SEMA3A: variants seen among roughly 807,000 people sequenced by gnomAD.
SEMA3A encodes semaphorin 3A, also known as semaphorin-3A.
In SEMA3A, 29 loss-of-function variants were observed where a neutral mutation model predicts 97.9. That is an observed-to-expected ratio of 0.30 (90% CI 0.22 to 0.40). The LOEUF is 0.40. SEMA3A is among the 10% of genes least tolerant of loss of function. SEMA3A has a pLI of 1.00. For synonymous variants in SEMA3A, 321 were observed against 323.7 expected (o/e 0.99, Z 0.09); for missense variants, 763 against 951.3 (o/e 0.80, Z 2.60).
chr7:84,383,189 T>C (rs1021042787), intron 1 of SEMA3A, among the ~76,000 whole-genome samples: 8 of 152,096 alleles, frequency 5.3e-5, no homozygotes, highest in African/African-American at 1.9e-4. Flanking sequence ...CCAAGTTACT[T>C]TGTAATATAT....
intron 1 of SEMA3A, among the ~76,000 whole-genome samples, chr7:84,411,637 A>T (rs1193057009): frequency 1.3e-5 from 2 of 151,832 alleles, no homozygotes; most frequent in Non-Finnish European, 2.9e-5. Context: ...CCTCAAATAT[A>T]TTAACTATCT....
At chr7:84,324,708 A>T (rs1318753460) in intron 2 of SEMA3A, among the ~76,000 whole-genome samples, 1 of 152,172 alleles carries the variant, frequency 6.6e-6, no homozygotes, top group Non-Finnish European at 1.5e-5. Context: ...TATGAAGCAC[A>T]TGGTCTTAAA....
chr7:84,280,259 T>C (rs1006794), intron 3 of SEMA3A, among the ~76,000 whole-genome samples: 2,632 of 152,288 alleles, frequency 0.017, 78 homozygotes, highest in African/African-American at 0.06. Context: ...TAGATGTTAC[T>C]CTTTCTATAT....
At chr7:84,333,142 T>C (rs1004506386) in intron 2 of SEMA3A, among the ~76,000 whole-genome samples, 1 of 152,168 alleles carries the variant, frequency 6.6e-6, no homozygotes, top group Non-Finnish European at 1.5e-5. Context: ...ACTTTGTACT[T>C]TTTGTGTCAA....
At chr7:84,490,257 T>A (rs1368218306) in intron 1 of SEMA3A, among the ~76,000 whole-genome samples, 1 of 147,660 alleles carries the variant, frequency 6.8e-6, no homozygotes, top group African/African-American at 2.5e-5. Context: ...CCATTACAAA[T>A]CTTCTTTGAG....
intron 3 of SEMA3A, among the ~76,000 whole-genome samples, chr7:84,228,840 A>G (rs1321151277): frequency 6.6e-6 from 1 of 152,014 alleles, no homozygotes; most frequent in Admixed American, 6.6e-5. Context: ...TTTAAGTCCT[A>G]TGGTTGATCA....
chr7:84,111,999 A>T (rs932632596), intron 3 of SEMA3A, among the ~76,000 whole-genome samples: 1 of 152,294 alleles, frequency 6.6e-6, no homozygotes, highest in South Asian at 2.1e-4. Context: ...TCCTTCCCCA[A>T]GAGAATAGGG....
intron 1 of SEMA3A, among the ~76,000 whole-genome samples, chr7:84,146,913 C>T (rs1417657219): frequency 3.3e-5 from 5 of 152,226 alleles, no homozygotes; most frequent in African/African-American, 9.6e-5. Context: ...TACCTATGAG[C>T]GGTAAGCATT....
intron 1 of SEMA3A, among the ~76,000 whole-genome samples, chr7:84,424,310 T>G (rs1011551538): frequency 2.1e-5 from 3 of 143,732 alleles, no homozygotes; most frequent in Non-Finnish European, 4.5e-5. Context: ...TATATTGATA[T>G]AAATACATTC....
At chr7:83,966,828 C>G (rs1788715071) in intron 15 of SEMA3A, among the ~76,000 whole-genome samples, 1 of 152,032 alleles carries the variant, frequency 6.6e-6, no homozygotes, top group Non-Finnish European at 1.5e-5. Flanking sequence ...TCTCCTGCCT[C>G]AGACTCCCTA....
Position 83,959,724 on chromosome 7 carries a change from A to G in SEMA3A, c.*1647T>C, listed in dbSNP as rs1229549850. The G allele has an allele frequency of 1.3e-5, 2 of 152,100 alleles. No individual in the cohort carries two copies. The highest frequency in any genetic ancestry group is 2.4e-5 in the African/African-American group (1 of 41,454). The allele number at this position is 152,100 out of a possible 1,614,324, so 9.4% of individuals were successfully genotyped here. A position where few individuals can be genotyped will look rare whatever the true frequency, so the allele number is the denominator to read the frequency against. ...GAATTTCAATGTTGCTTCATTAATTACTAATAAGATGTTTTCTTTGCATTT... is the reference window on the plus strand; with the variant it reads ...GAATTTCAATGTTGCTTCATTAATTGCTAATAAGATGTTTTCTTTGCATTT... On this transcript the variant is annotated 3_prime_UTR_variant, in exon 17 of 17. Coordinates refer to ENST00000265362, the MANE Select transcript of SEMA3A (RefSeq NM_006080.3).
intron 3 of SEMA3A, among the ~76,000 whole-genome samples, chr7:84,282,153 G>C (rs1800453484): frequency 6.6e-6 from 1 of 151,948 alleles, no homozygotes; most frequent in African/African-American, 2.4e-5. Flanking sequence ...ATCCTTTTTG[G>C]AACCAATCCG....
chr7:84,100,677 T>C (rs7784963), intron 4 of SEMA3A, among the ~76,000 whole-genome samples: 65,265 of 151,856 alleles, frequency 0.43, 15,317 homozygotes, highest in Admixed American at 0.52. Flanking sequence ...CAATCAATAT[T>C]AGAAAATTAA....
At chr7:84,074,967 C>G (rs944579761) in intron 4 of SEMA3A, among the ~76,000 whole-genome samples, 1 of 151,898 alleles carries the variant, frequency 6.6e-6, no homozygotes, top group African/African-American at 2.4e-5. Context: ...GTTTAATATT[C>G]ATGTATAATC....
chr7:84,348,914 G>A, intron 2 of SEMA3A, among the ~76,000 whole-genome samples: 1 of 150,236 alleles, frequency 6.7e-6, no homozygotes, highest in East Asian at 2.0e-4. Flanking sequence ...AAACCGGGTG[G>A]CGGAGGTTGA....
At position 84,389,097 on chromosome 7, in the gene SEMA3A, A is replaced by T. The variant is rs187736961; in HGVS notation, c.-245-17197T>A. The stretch of plus-strand genomic sequence containing the variant: ...TATTTCTATGCCTCAGGTTGTAAAA[A>T]TTTGAAATACTTGTAGGAGAGTTCT... On this transcript the variant is annotated intron_variant, in intron 1 of 3. Coordinates refer to the SEMA3A transcript ENST00000424555. Among the ~76,000 whole-genome samples, 1,195 of 152,160 alleles carry T rather than the reference A, an allele frequency of 7.9e-3. 10 individuals carry two copies. The highest frequency in any genetic ancestry group is 0.013 in the South Asian group (65 of 4,826).
intron 3 of SEMA3A, among the ~76,000 whole-genome samples, chr7:84,121,278 G>T (rs1427701604): frequency 1.3e-5 from 2 of 152,092 alleles, no homozygotes; most frequent in African/African-American, 4.8e-5. Context: ...TGTTACATAT[G>T]TATACATGTG....
chr7:84,317,094 C>T lies in SEMA3A; in HGVS notation c.-168-9802G>A, dbSNP rs111413637. Among the ~76,000 whole-genome samples the T allele has an allele frequency of 3.3e-5, 5 of 152,248 alleles. 1 individual carries two copies. Among genetic ancestry groups the T allele is most frequent in the African/African-American group, 1.2e-4 (5 of 41,534 alleles). On this transcript the variant is annotated intron_variant, in intron 2 of 3. Coordinates refer to the SEMA3A transcript ENST00000424555. ...GACCCTAAAAACTCTTTCTATCCCT[C>T]AGGCTAAATTTGTCCCAAAGAAGCA...
intron 3 of SEMA3A, among the ~76,000 whole-genome samples, chr7:84,204,684 A>G (rs1798443962): frequency 6.6e-6 from 1 of 152,210 alleles, no homozygotes; most frequent in Non-Finnish European, 1.5e-5. Flanking sequence ...TACATGATAC[A>G]TTTTAAATGT....
Sources: allele counts gnomAD v4.1 joint callset (sites outside exome capture counted in the v4.1 genomes callset), GRCh38; gene constraint gnomAD v4.1.1; transcripts MANE v1.5; gene names NCBI Gene and HGNC (gene_info 2026-07-23, HGNC 2026-07-21).